Variants in NUP35 observed in about 807,000 individuals in gnomAD.
The protein encoded by NUP35 is nucleoporin 35, also known as nucleoporin NUP35.
Under a neutral mutation model 41.5 loss-of-function variants are expected in NUP35, and 25 were observed. The ratio of observed to expected loss-of-function variants is 0.60; its 90% CI spans 0.44 to 0.84. The LOEUF (loss-of-function observed/expected upper bound fraction) is 0.84, where lower values mean the gene tolerates loss of function less well. NUP35 is among the 40% of genes least tolerant of loss of function. The pLI, the probability that NUP35 is intolerant of heterozygous loss-of-function variation, is 0.00. For missense variants in NUP35, 396 were observed against 396.6 expected, an observed-to-expected ratio of 1.00 and a Z score of 0.01; for synonymous variants, 149 against 130.7, an observed-to-expected ratio of 1.14 and a Z score of -0.96.
At chr2:183,125,983 T>A (rs566828339) in intron 1 of NUP35, among the ~76,000 whole-genome samples, 1 of 152,330 alleles carries the variant, frequency 6.6e-6, no homozygotes, top group Non-Finnish European at 1.5e-5. Context: ...GAGCCCATTG[T>A]GCCCTCCTTC....
At chr2:183,152,155 A>ACACAC (rs58605274) in intron 5 of NUP35, among the ~76,000 whole-genome samples, 1 of 141,944 alleles carries the variant, frequency 7.0e-6, no homozygotes, top group Non-Finnish European at 1.5e-5. Flanking sequence ...ACACACACAC[A>ACACAC]ATGTCACAGG....
intron 4 of NUP35, among the ~76,000 whole-genome samples, chr2:183,150,453 C>G (rs1317574618): frequency 1.3e-5 from 2 of 152,110 alleles, no homozygotes; most frequent in Non-Finnish European, 2.9e-5. Flanking sequence ...TCCTCATGGC[C>G]TTTGTTTTAT....
chr2:183,125,009 A>G (rs1684395548), intron 1 of NUP35, among the ~76,000 whole-genome samples: 4 of 149,848 alleles, frequency 2.7e-5, no homozygotes, highest in Non-Finnish European at 4.4e-5. Flanking sequence ...GAATCTTGTT[A>G]TTAATGGAAG....
At chr2:183,122,708 A>C (rs1276094425), upstream of NUP35, among the ~76,000 whole-genome samples, 1 of 152,088 alleles carries the variant, frequency 6.6e-6, no homozygotes, top group African/African-American at 2.4e-5. Context: ...TCAACCCCTC[A>C]GCCTCCCAAG....
chr2:183,147,212 C>G (rs936194778), intron 4 of NUP35, among the ~76,000 whole-genome samples: 2 of 152,054 alleles, frequency 1.3e-5, no homozygotes, highest in African/African-American at 4.8e-5. Context: ...TTAATTAGGT[C>G]CAACTTGTCA....
rs1386446631 is a variant in NUP35, at chr2:183,161,231, C to CT, written c.*101dup. ...TAACTGTTCCTGCAGTATTGGATAG[C>CT]TATCTCATACTTCTTTTAGAAAGAA... is the stretch of plus-strand genomic sequence containing the variant. On this transcript the variant is annotated 3_prime_UTR_variant, in exon 9 of 9. Transcript: ENST00000295119. The CT allele has an allele frequency of 5.1e-5, 35 of 691,546 alleles. No homozygotes were observed. The allele number at this position is 691,546 out of a possible 1,614,324, so 42.8% of individuals were successfully genotyped here.
intron 4 of NUP35, among the ~76,000 whole-genome samples, chr2:183,148,461 G>A (rs1342509411): frequency 6.6e-6 from 1 of 152,098 alleles, no homozygotes; most frequent in Non-Finnish European, 1.5e-5. Flanking sequence ...ATCCTCGCCA[G>A]CATCTGTTTG....
At chr2:183,147,550 A>G (rs554840903) in intron 4 of NUP35, among the ~76,000 whole-genome samples, 19 of 152,024 alleles carry the variant, frequency 1.2e-4, no homozygotes, top group Non-Finnish European at 2.5e-4. Flanking sequence ...CTGTGTACCT[A>G]TTTTTGTACC....
intron 1 of NUP35, among the ~76,000 whole-genome samples, chr2:183,119,390 A>C (rs1700034956): frequency 6.6e-6 from 1 of 152,174 alleles, no homozygotes; most frequent in Admixed American, 6.5e-5. Flanking sequence ...TGAAAAGAAA[A>C]CTTACAAAAC....
chr2:183,153,062 A>G (rs1685525433), intron 5 of NUP35, among the ~76,000 whole-genome samples: 1 of 152,182 alleles, frequency 6.6e-6, no homozygotes, highest in African/African-American at 2.4e-5. Flanking sequence ...AAGAAGCAAA[A>G]GCGGAAGCCC....
At chr2:183,151,691 A>C in intron 5 of NUP35, 42 bp downstream of exon 5, 1 of 1,564,364 alleles carries the variant, frequency 6.4e-7, no homozygotes. Context: ...ACCCCACCCT[A>C]ACATTTTATA....
intron 7 of NUP35, 105 bp downstream of exon 7, chr2:183,158,516 T>G: frequency 1.9e-6 from 2 of 1,026,626 alleles, no homozygotes; most frequent in Non-Finnish European, 2.7e-6. Context: ...GTGTCTGTTT[T>G]TCTTAGTTTG....
intron 4 of NUP35, among the ~76,000 whole-genome samples, chr2:183,148,899 C>T (rs965036301): frequency 2.5e-4 from 38 of 152,122 alleles, no homozygotes; most frequent in Admixed American, 2.4e-3. Flanking sequence ...ACTTGGCCTC[C>T]CAAAGCGCTG....
At chr2:183,151,448 G>C in intron 4 of NUP35, 60 bp from the exon 5 acceptor site, 1 of 1,508,280 alleles carries the variant, frequency 6.6e-7, no homozygotes, top group South Asian at 1.2e-5. Flanking sequence ...TAAGATTTTT[G>C]ATTTAGAATC....
At chr2:183,151,223 C>T (rs1685459269) in intron 4 of NUP35, among the ~76,000 whole-genome samples, 1 of 152,122 alleles carries the variant, frequency 6.6e-6, no homozygotes, top group African/African-American at 2.4e-5. Context: ...TTGAGGTTGC[C>T]TGGGATATCC....
At chr2:183,159,286 G>A (rs981740284) in intron 7 of NUP35, among the ~76,000 whole-genome samples, 50 of 152,134 alleles carry the variant, frequency 3.3e-4, no homozygotes, top group African/African-American at 1.0e-3. Context: ...GGTCACTGAA[G>A]TGAGATTTCT....
chr2:183,158,532 T>TACA, intron 7 of NUP35, 121 bp downstream of exon 7: 6 of 872,206 alleles, frequency 6.9e-6, no homozygotes, highest in Non-Finnish European at 1.0e-5. Context: ...GTTTGTAAAA[T>TACA]GTGATGATGT....
chr2:183,157,658 G>A (rs1685719162), intron 6 of NUP35, 145 bp downstream of exon 6: 1 of 603,336 alleles, frequency 1.7e-6, no homozygotes, highest in East Asian at 2.8e-5. Flanking sequence ...TTGAAGTCTG[G>A]AAGGCTGGAA....
Position 183,157,524 on chromosome 2 carries a change from ATTT to A in NUP35, c.609+16_609+18del. 1.3e-6 allele frequency: 2 copies of A among 1,576,912 alleles called. No individual in the cohort carries two copies. The highest frequency in any genetic ancestry group is 1.7e-6 in the Non-Finnish European group (2 of 1,147,434). ...ATCTTAAAACATGTGGTAAGGCTTAATTTTTTTCAGTTCAGAGTTTTGACTAAA... is the reference window on the plus strand; with the variant it reads ...ATCTTAAAACATGTGGTAAGGCTTAATTTTCAGTTCAGAGTTTTGACTAAA... On this transcript the variant is annotated intron_variant, in intron 6 of 8. Coordinates refer to ENST00000295119, the MANE Select transcript of NUP35 (RefSeq NM_138285.5).
Sources: gnomAD v4.1 joint callset for allele counts (sites outside exome capture counted in the v4.1 genomes callset) on GRCh38, gnomAD v4.1.1 for gene constraint, MANE v1.5 for transcripts, NCBI Gene and HGNC (gene_info 2026-07-23, HGNC 2026-07-21) for gene names.